Variants in TNFRSF13B observed in about 807,000 individuals in gnomAD.
The protein encoded by TNFRSF13B is tumor necrosis factor receptor superfamily member 13B.
A neutral mutation model predicts 24.0 loss-of-function variants in TNFRSF13B; 34 were observed. The observed-to-expected ratio is 1.41, with a 90% confidence interval of 1.08 to 1.88. The LOEUF is 1.88. Among genes scored for constraint, TNFRSF13B ranks in the 40% most tolerant of loss-of-function variants. The pLI is 0.00. For synonymous variants in TNFRSF13B, 173 were observed against 150.3 expected, an observed-to-expected ratio of 1.15 and a Z score of -1.10; for missense variants, 415 against 380.8, an observed-to-expected ratio of 1.09 and a Z score of -0.75.
At chr17:16,968,585 G>T (rs1009530171) in intron 1 of TNFRSF13B, among the ~76,000 whole-genome samples, 1 of 152,208 alleles carries the variant, frequency 6.6e-6, no homozygotes, top group Non-Finnish European at 1.5e-5. Flanking sequence ...AGACTTACAT[G>T]TAAGAGCTAA....
Position 16,939,772 on chromosome 17 carries a change from AG to A in TNFRSF13B, c.656del (p.Pro219LeufsTer2). ...SQDHAMEAGS[P>X]VSTSPEPVET... ...CCACTGGCTCGGGGGATGTGCTCAC[AG>A]GGCTGCCGGCTTCCATCGCGTGATC... On this transcript the variant is annotated frameshift_variant, in exon 5 of 5. Coordinates refer to ENST00000261652, the MANE Select transcript of TNFRSF13B (RefSeq NM_012452.3). LOFTEE classifies it low-confidence loss of function (END_TRUNC). 1 of 1,611,464 alleles carries A rather than the reference AG, an allele frequency of 6.2e-7. No homozygotes were observed. Among genetic ancestry groups the A allele is most frequent in the Non-Finnish European group, 8.5e-7 (1 of 1,179,032 alleles).
chr17:16,960,294 A>G (rs950381203), intron 1 of TNFRSF13B, among the ~76,000 whole-genome samples: 2 of 152,200 alleles, frequency 1.3e-5, no homozygotes, highest in Non-Finnish European at 2.9e-5. Flanking sequence ...CACATTCTCA[A>G]TGGTGAAAGT....
At chr17:16,940,218 C>G (rs959770505) in intron 4 of TNFRSF13B, 108 bp downstream of exon 4, 2 of 1,607,836 alleles carry the variant, frequency 1.2e-6, no homozygotes, top group Admixed American at 1.7e-5. Flanking sequence ...AGGGATGAGC[C>G]CTGGGCCTCT....
At chr17:16,948,179 C>T (rs926173971) in intron 3 of TNFRSF13B, among the ~76,000 whole-genome samples, 4 of 151,994 alleles carry the variant, frequency 2.6e-5, no homozygotes, top group African/African-American at 9.7e-5. Context: ...ACACTGGGGC[C>T]TACTAGAAGG....
intron 3 of TNFRSF13B, among the ~76,000 whole-genome samples, chr17:16,946,885 G>A (rs1048650348): frequency 2.0e-5 from 3 of 151,922 alleles, no homozygotes; most frequent in African/African-American, 7.3e-5. Flanking sequence ...ACCATGCTGA[G>A]CCTTCTCTTT....
At chr17:16,953,861 C>T (rs1248985271) in intron 1 of TNFRSF13B, among the ~76,000 whole-genome samples, 2 of 152,172 alleles carry the variant, frequency 1.3e-5, no homozygotes, top group East Asian at 1.9e-4. Flanking sequence ...CCTCCACCTC[C>T]CGGGTTCAAG....
intron 1 of TNFRSF13B, among the ~76,000 whole-genome samples, chr17:16,961,608 G>A (rs1330808269): frequency 1.3e-5 from 2 of 152,224 alleles, no homozygotes; most frequent in Non-Finnish European, 2.9e-5. Context: ...ATGGGGTACA[G>A]AATTTCTTTC....
At position 16,971,206 on chromosome 17, in the gene TNFRSF13B, G is replaced by A. The variant is rs140908653; in HGVS notation, c.61+809C>T. ...CTACTAAAAATACAAAAAATTAGCC[G>A]GGCGTGGTGGTGGGCACCTATAATC... On this transcript the variant is annotated intron_variant, in intron 1 of 4. Transcript: ENST00000261652. Among the ~76,000 whole-genome samples the A allele has an allele frequency of 9.8e-3, 1,496 of 152,150 alleles. 26 individuals are homozygous for A. Among genetic ancestry groups the A allele is most frequent in the South Asian group, 0.059 (285 of 4,808 alleles).
At chr17:16,944,825 G>T (rs1433598703) in intron 3 of TNFRSF13B, among the ~76,000 whole-genome samples, 1 of 152,172 alleles carries the variant, frequency 6.6e-6, no homozygotes, top group East Asian at 1.9e-4. Flanking sequence ...TGGAGACAGG[G>T]AACGGCAGAA....
intron 1 of TNFRSF13B, among the ~76,000 whole-genome samples, chr17:16,966,447 A>T (rs532094040): frequency 1.3e-5 from 2 of 152,218 alleles, no homozygotes; most frequent in Non-Finnish European, 1.5e-5. Flanking sequence ...TCATGAATAG[A>T]CAGTTCACAG....
chr17:16,959,823 A>G (rs1347547832), intron 1 of TNFRSF13B, among the ~76,000 whole-genome samples: 2 of 152,138 alleles, frequency 1.3e-5, no homozygotes, highest in Non-Finnish European at 2.9e-5. Context: ...TGAATCAGTA[A>G]TCAGAAACCT....
intron 1 of TNFRSF13B, among the ~76,000 whole-genome samples, chr17:16,963,614 A>G (rs532031263): frequency 4.0e-4 from 61 of 152,282 alleles, no homozygotes; most frequent in Middle Eastern, 3.4e-3. Flanking sequence ...CAGTGGCACC[A>G]TCTCGGCTCA....
chr17:16,971,229 A>G (rs951615820), intron 1 of TNFRSF13B, among the ~76,000 whole-genome samples: 4 of 152,014 alleles, frequency 2.6e-5, no homozygotes, highest in African/African-American at 4.8e-5. Flanking sequence ...GGCACCTATA[A>G]TCTCAGCCAC....
chr17:16,948,837 G>T lies in TNFRSF13B; in HGVS notation c.346C>A (p.Pro116Thr), dbSNP rs757399024. Residue 116 changes from proline (P) to threonine (T), a missense_variant, in exon 3 of 5, where the codon CCA becomes ACA. Coordinates refer to ENST00000261652, the MANE Select transcript of TNFRSF13B (RefSeq NM_012452.3). ...NKLRSPVNLP[P>T]ELRRQRSGEV... ...CCACTCCGCTGTCTCCTGAGCTCTG[G>T]TGGAAGGTTCACTGGGCTCCTGAGC... 29 of 1,614,124 alleles carry T rather than the reference G, an allele frequency of 1.8e-5. No individual in the cohort carries two copies. In the Admixed American group the frequency reaches 4.8e-4, roughly 27 times the overall value.
intron 1 of TNFRSF13B, among the ~76,000 whole-genome samples, chr17:16,969,913 C>T (rs554544172): frequency 6.6e-6 from 1 of 152,128 alleles, no homozygotes; most frequent in Non-Finnish European, 1.5e-5. Context: ...AGAAAGCCAC[C>T]ACCCGCCGCA....
In TNFRSF13B at chr17:16,940,423, G is replaced by A. The variant is rs1483393927; in HGVS notation, c.534C>T (p.Phe178=). The A allele has an allele frequency of 2.5e-6, 4 of 1,614,104 alleles. No homozygotes were observed. The highest frequency in any genetic ancestry group is 2.5e-6 in the Non-Finnish European group (3 of 1,180,028). The stretch of plus-strand genomic sequence containing the variant: ...TGAGGAAGCAGGCCACCGCCACCAG[G>A]AAGCAGCAGAGGACGGCACACAGGC... ...GLCLCAVLCC[F]LVAVACFLKK... Residue 178 remains phenylalanine, a synonymous_variant, in exon 4 of 5, where the codon TTC becomes TTT. Coordinates refer to ENST00000261652, the MANE Select transcript of TNFRSF13B (RefSeq NM_012452.3).
chr17:16,955,386 A>G (rs2087617600), intron 1 of TNFRSF13B, among the ~76,000 whole-genome samples: 1 of 152,260 alleles, frequency 6.6e-6, no homozygotes, highest in Admixed American at 6.5e-5. Flanking sequence ...AAGAAACAAA[A>G]CAGCAGACTA....
chr17:16,939,845 A>G, intron 4 of TNFRSF13B, 48 bp from the exon 5 acceptor site: 1 of 1,578,824 alleles, frequency 6.3e-7, no homozygotes, highest in Non-Finnish European at 8.6e-7. Context: ...GCCCTGCACT[A>G]GGGTAGGGGT....
In TNFRSF13B at chr17:16,939,943, G is replaced by T. The variant is rs531249390; in HGVS notation, c.632-146C>A. ...CGCCCCCAGACAGGTGTCAGTGTCC[G>T]CCAGTTGCTGACCAGAACCTGTGCC... On this transcript the variant is annotated intron_variant, in intron 4 of 4. Coordinates refer to ENST00000261652, the MANE Select transcript of TNFRSF13B (RefSeq NM_012452.3). 17 of 1,199,236 alleles carry T rather than the reference G, an allele frequency of 1.4e-5. No homozygotes were observed. In the South Asian group the frequency reaches 1.8e-4, roughly 13 times the overall value. 74.3% of individuals were successfully genotyped at this position (1,199,236 alleles called of 1,614,324 possible).
Sources: allele counts gnomAD v4.1 joint callset (sites outside exome capture counted in the v4.1 genomes callset), GRCh38; gene constraint gnomAD v4.1.1; transcripts MANE v1.5; gene names NCBI Gene and HGNC (gene_info 2026-07-23, HGNC 2026-07-21).